The following PHLDB2 variants were observed in gnomAD, a reference collection of about 807,000 sequenced individuals.
The protein encoded by PHLDB2 is pleckstrin homology like domain family B member 2.
In PHLDB2, 71 loss-of-function variants were observed where a neutral mutation model predicts 123.6. That is an observed-to-expected ratio of 0.57 (90% confidence interval 0.47 to 0.70). The LOEUF (loss-of-function observed/expected upper bound fraction) is 0.70. Among genes scored for constraint, PHLDB2 ranks in the 30% least tolerant of loss-of-function variants. The pLI is 0.00. For missense variants in PHLDB2, 1,446 were observed against 1,519.5 expected (o/e 0.95, Z 0.80); for synonymous variants, 547 against 541.6 (o/e 1.01, Z -0.14).
At chr3:111,857,649 C>T (rs985434337), upstream of PHLDB2, among the ~76,000 whole-genome samples, 20 of 152,118 alleles carry the variant, frequency 1.3e-4, no homozygotes, top group African/African-American at 4.8e-4. Context: ...AAACTCAGGA[C>T]AGGGAAAAGA....
In PHLDB2 at chr3:111,962,929, CAAAAAA is replaced by C. The variant is rs57625439; in HGVS notation, c.3077+632_3077+637del. On this transcript the variant is annotated intron_variant, in intron 13 of 17. Coordinates refer to ENST00000431670, the MANE Select transcript of PHLDB2 (RefSeq NM_001134438.2). ...GGGCAACAAGAGTGAAACTCCATCT[CAAAAAA>C]AAAAAAAAAAAAAAGAAAGAAAGAA... Among the ~76,000 whole-genome samples, 6 of 93,832 alleles carry C rather than the reference CAAAAAA, an allele frequency of 6.4e-5. No homozygotes were observed. In the East Asian group the frequency reaches 1.3e-3, roughly 21 times the overall value. The allele number at this position is 93,832 out of a possible 152,430, so 61.6% of individuals were successfully genotyped here.
intron 1 of PHLDB2, among the ~76,000 whole-genome samples, chr3:111,802,633 C>T (rs1462277624): frequency 6.6e-6 from 1 of 152,172 alleles, no homozygotes; most frequent in Non-Finnish European, 1.5e-5. Flanking sequence ...AGTAAAATAA[C>T]AACACTCATA....
At chr3:111,945,587 TTG>T (rs1000701850) in intron 9 of PHLDB2, 223 of 511,410 alleles carry the variant, frequency 4.4e-4, no homozygotes, top group East Asian at 7.7e-4. Context: ...ATGTGTGTGT[TTG>T]TGTGTGTGTG....
At chr3:111,786,535 A>C (rs1050024841) in intron 1 of PHLDB2, among the ~76,000 whole-genome samples, 1 of 152,330 alleles carries the variant, frequency 6.6e-6, no homozygotes, top group Admixed American at 6.5e-5. Flanking sequence ...TGTTTGACCT[A>C]GCTGAAGAAA....
intron 12 of PHLDB2, chr3:111,958,272 T>C (rs2071177692): frequency 1.0e-6 from 1 of 989,352 alleles, no homozygotes; most frequent in Non-Finnish European, 1.2e-6. Context: ...GGACTGTCAT[T>C]AGGAAGAATG....
At position 111,975,617 on chromosome 3, in the gene PHLDB2, A is replaced by G. The variant is rs2072461198; in HGVS notation, c.*1054A>G. 1 of 152,468 alleles carries G rather than the reference A, an allele frequency of 6.6e-6. No homozygotes were observed. The highest frequency in any genetic ancestry group is 6.5e-5 in the Admixed American group (1 of 15,274). 9.4% of individuals were successfully genotyped at this position (152,468 alleles called of 1,614,324 possible). The stretch of plus-strand genomic sequence containing the variant: ...AAAACGGCAAATGAAGTTCAACTTA[A>G]TATTCTCTATAATGTATTATTTTAT... On this transcript the variant is annotated 3_prime_UTR_variant, in exon 18 of 18. Transcript: ENST00000431670.
Position 111,760,666 on chromosome 3 carries a change from C to T in PHLDB2, c.-49+27963C>T, listed in dbSNP as rs191443992. Among the ~76,000 whole-genome samples the T allele has an allele frequency of 3.4e-3, 520 of 151,560 alleles. 4 individuals carry two copies. The highest frequency in any genetic ancestry group is 6.1e-3 in the Non-Finnish European group (416 of 67,930). ...AACGTGTTCTGTTTTCTTGCTTCTG[C>T]GATGTGTATACAGTTTTTTGTTTGT... On this transcript the variant is annotated intron_variant, in intron 1 of 17. Coordinates refer to the PHLDB2 transcript ENST00000393923.
intron 1 of PHLDB2, among the ~76,000 whole-genome samples, chr3:111,779,208 T>C (rs1043449250): frequency 6.6e-6 from 1 of 152,022 alleles, no homozygotes; most frequent in South Asian, 2.1e-4. Context: ...TTTCATGGAT[T>C]ACTTATTATA....
At chr3:111,775,406 AACT>A (rs2060251307) in intron 1 of PHLDB2, among the ~76,000 whole-genome samples, 1 of 152,200 alleles carries the variant, frequency 6.6e-6, no homozygotes, top group South Asian at 2.1e-4. Context: ...ACTTTAGAAA[AACT>A]GGTTAGTCAA....
At chr3:111,972,207 G>T (rs1251326881) in intron 16 of PHLDB2, among the ~76,000 whole-genome samples, 1 of 152,124 alleles carries the variant, frequency 6.6e-6, no homozygotes, top group Non-Finnish European at 1.5e-5. Flanking sequence ...ATCATTTCCA[G>T]CAAATGTTTG....
rs140411088 is a variant in PHLDB2 at position 111,763,964 on chromosome 3, C to G, written c.-49+31261C>G. 4.3e-3 allele frequency among the ~76,000 whole-genome samples: 653 copies of G among 152,282 alleles called. 1 individual carries two copies. The highest frequency in any genetic ancestry group is 0.015 in the African/African-American group (629 of 41,554). On this transcript the variant is annotated intron_variant, in intron 1 of 17. Transcript: ENST00000393923. ...AGCAGCCCGAACAGACGAAGACAAG[C>G]AGTTATGGCTATGTTTGCTCAAGAA...
chr3:111,908,771 A>G (rs2067700653), intron 2 of PHLDB2, among the ~76,000 whole-genome samples: 4 of 152,176 alleles, frequency 2.6e-5, no homozygotes, highest in Admixed American at 2.6e-4. Context: ...GACCCGTATA[A>G]CAGACTTTGA....
chr3:111,806,931 C>T (rs1184705902), intron 1 of PHLDB2, among the ~76,000 whole-genome samples: 2 of 151,620 alleles, frequency 1.3e-5, no homozygotes, highest in Non-Finnish European at 2.9e-5. Flanking sequence ...CCACCATGCC[C>T]AGCCCCTTTT....
At chr3:111,856,240 C>T (rs557188732), upstream of PHLDB2, among the ~76,000 whole-genome samples, 54 of 152,278 alleles carry the variant, frequency 3.5e-4, no homozygotes, top group African/African-American at 1.3e-3. Flanking sequence ...GTGAGGATTA[C>T]TTTTTGTCTA....
At chr3:111,961,464 G>A (rs1184481542) in intron 12 of PHLDB2, among the ~76,000 whole-genome samples, 1 of 152,188 alleles carries the variant, frequency 6.6e-6, no homozygotes, top group African/African-American at 2.4e-5. Context: ...GAGAGCTAGG[G>A]TAATTACGAG....
intron 2 of PHLDB2, among the ~76,000 whole-genome samples, chr3:111,846,631 C>G (rs1157721584): frequency 6.6e-6 from 1 of 152,122 alleles, no homozygotes; most frequent in Non-Finnish European, 1.5e-5. Flanking sequence ...TTTAATTTTT[C>G]ATTTACTCAT....
chr3:111,896,007 C>A (rs937422379), intron 2 of PHLDB2, among the ~76,000 whole-genome samples: 18 of 151,908 alleles, frequency 1.2e-4, no homozygotes, highest in Admixed American at 9.2e-4. Context: ...ATTTATTATT[C>A]TTTTTTTGAG....
chr3:111,764,420 A>G (rs1203913613), intron 1 of PHLDB2, among the ~76,000 whole-genome samples: 2 of 152,210 alleles, frequency 1.3e-5, no homozygotes, highest in African/African-American at 4.8e-5. Flanking sequence ...GGTCCTTTGT[A>G]TATTTTTCTG....
At chr3:111,941,043 C>A (rs2069844579) in intron 8 of PHLDB2, among the ~76,000 whole-genome samples, 1 of 152,160 alleles carries the variant, frequency 6.6e-6, no homozygotes, top group Non-Finnish European at 1.5e-5. Context: ...CCCAGCTGAT[C>A]TGGTGTTTTG....
Sources: gnomAD v4.1 joint callset for allele counts (sites outside exome capture counted in the v4.1 genomes callset) on GRCh38, gnomAD v4.1.1 for gene constraint, MANE v1.5 for transcripts, NCBI Gene and HGNC (gene_info 2026-07-23, HGNC 2026-07-21) for gene names.